TRMT61B: variants seen among roughly 807,000 people sequenced by gnomAD.
The protein encoded by TRMT61B is tRNA (adenine(58)-N(1))-methyltransferase, mitochondrial.
In TRMT61B, 56 loss-of-function variants were observed where a neutral mutation model predicts 52.0. That is an observed-to-expected ratio of 1.08 (90% CI 0.87 to 1.35). The LOEUF (loss-of-function observed/expected upper bound fraction) is 1.35. Ranked by LOEUF, TRMT61B falls within the 40% of genes most tolerant of loss-of-function variation. TRMT61B has a pLI of 0.00. For missense variants in TRMT61B, 650 were observed against 577.9 expected (o/e 1.12, Z -1.28); for synonymous variants, 206 against 220.0 (o/e 0.94, Z 0.56).
intron 3 of TRMT61B, among the ~76,000 whole-genome samples, chr2:28,854,010 A>G (rs928427587): frequency 5.3e-5 from 8 of 152,220 alleles, no homozygotes; most frequent in Admixed American, 5.2e-4. Flanking sequence ...AGTAACATTT[A>G]CTGTTGTATT....
intron 1 of TRMT61B, 40 bp downstream of exon 1, chr2:28,869,539 C>A (rs1669991022): frequency 3.5e-6 from 5 of 1,427,902 alleles, no homozygotes; most frequent in Non-Finnish European, 4.9e-6. Flanking sequence ...TGTCTTTGCC[C>A]CTCCTGAAAC....
intron 3 of TRMT61B, among the ~76,000 whole-genome samples, chr2:28,855,304 T>C (rs1015411710): frequency 3.3e-5 from 5 of 152,154 alleles, no homozygotes; most frequent in African/African-American, 7.2e-5. Flanking sequence ...AAAAAACTAT[T>C]TTTGTGTGTG....
In TRMT61B at chr2:28,860,272, C is replaced by CAAAAAAAAAAAAAAA. The variant is rs540569211; in HGVS notation, c.993+831_993+845dup. Among the ~76,000 whole-genome samples the CAAAAAAAAAAAAAAA allele has an allele frequency of 1.2e-4, 3 of 24,476 alleles. 1 individual carries two copies. The highest frequency in any genetic ancestry group is 2.2e-4 in the African/African-American group (2 of 9,238). 16.1% of individuals were successfully genotyped at this position (24,476 alleles called of 152,430 possible). On this transcript the variant is annotated intron_variant, in intron 3 of 6. Transcript: ENST00000306108. ...AAGCAACAGAATGAGACTCTGTTGC[C>CAAAAAAAAAAAAAAA]AAAAAAAAAAAAAAAAAAAAAAAAA...
intron 5 of TRMT61B, 33 bp from the exon 6 acceptor site, chr2:28,850,438 C>A (rs1172630359): frequency 2.2e-6 from 3 of 1,378,254 alleles, no homozygotes; most frequent in Non-Finnish European, 3.0e-6. Flanking sequence ...CTATAAGCTA[C>A]ATAAAATATT....
chr2:28,866,783 A>G (rs1669867914), intron 1 of TRMT61B, among the ~76,000 whole-genome samples: 1 of 152,160 alleles, frequency 6.6e-6, no homozygotes, highest in African/African-American at 2.4e-5. Context: ...ATTAATAAAA[A>G]CTGTTTTTTT....
intron 3 of TRMT61B, among the ~76,000 whole-genome samples, chr2:28,857,093 C>T (rs1428147220): frequency 6.6e-6 from 1 of 151,914 alleles, no homozygotes; most frequent in Admixed American, 6.6e-5. Context: ...ACCATCACAC[C>T]CAGCTAATTT....
chr2:28,854,653 T>G (rs371982244), intron 3 of TRMT61B, among the ~76,000 whole-genome samples: 5 of 140,420 alleles, frequency 3.6e-5, no homozygotes, highest in African/African-American at 1.1e-4. Flanking sequence ...GGCAGGAGAA[T>G]AGCTTGAACC....
chr2:28,858,247 A>C (rs535497619), intron 3 of TRMT61B, among the ~76,000 whole-genome samples: 29 of 151,966 alleles, frequency 1.9e-4, no homozygotes, highest in Non-Finnish European at 3.8e-4. Flanking sequence ...TCACCATGTT[A>C]GCCAGGATGG....
intron 2 of TRMT61B, 52 bp downstream of exon 2, chr2:28,864,965 C>G: frequency 9.2e-7 from 1 of 1,087,486 alleles, no homozygotes; most frequent in Non-Finnish European, 1.4e-6. Flanking sequence ...TTATTATGAA[C>G]AAATTGAATG....
intron 3 of TRMT61B, among the ~76,000 whole-genome samples, chr2:28,860,821 A>C (rs908930238): frequency 6.6e-6 from 1 of 152,188 alleles, no homozygotes; most frequent in Non-Finnish European, 1.5e-5. Flanking sequence ...CTGCTTCCAA[A>C]GTATGATTCA....
At chr2:28,855,865 G>A (rs1669320023) in intron 3 of TRMT61B, among the ~76,000 whole-genome samples, 1 of 152,156 alleles carries the variant, frequency 6.6e-6, no homozygotes, top group African/African-American at 2.4e-5. Flanking sequence ...CAGCTACAAA[G>A]GAGGCTGAGA....
At chr2:28,854,738 C>CAAAAA (rs57513823) in intron 3 of TRMT61B, among the ~76,000 whole-genome samples, 14 of 86,414 alleles carry the variant, frequency 1.6e-4, no homozygotes, top group Non-Finnish European at 2.2e-4. Flanking sequence ...GACTCCGTCT[C>CAAAAA]AAAAAAAAAA....
intron 3 of TRMT61B, among the ~76,000 whole-genome samples, chr2:28,860,741 A>G (rs1224415250): frequency 6.6e-6 from 1 of 152,158 alleles, no homozygotes; most frequent in Non-Finnish European, 1.5e-5. Flanking sequence ...ATTCCCTGTC[A>G]AATGGAAGCT....
intron 1 of TRMT61B, 118 bp downstream of exon 1, chr2:28,869,461 A>AGT: frequency 5.8e-6 from 4 of 684,356 alleles, no homozygotes; most frequent in South Asian, 2.2e-5. Context: ...TAAAAGCCTG[A>AGT]GTACAATAAA....
intron 2 of TRMT61B, among the ~76,000 whole-genome samples, chr2:28,863,098 C>T (rs962175464): frequency 6.6e-6 from 1 of 151,956 alleles, no homozygotes; most frequent in Admixed American, 6.6e-5. Context: ...AAATGTAACT[C>T]CAACTGCAAG....
chr2:28,870,025 G>A lies in TRMT61B; in HGVS notation c.253C>T (p.Leu85=). 6.2e-7 allele frequency: 1 copy of A among 1,613,788 alleles called. No homozygotes were observed. Among genetic ancestry groups the A allele is most frequent in the Non-Finnish European group, 8.5e-7 (1 of 1,180,024 alleles). ...SDIGTGCLSS[L]ENLRLPTLRE... ...AGCGTCGGCAGTCTGAGGTTTTCCA[G>A]TGACGAAAGACATCCAGTCCCAATG... is the stretch of plus-strand genomic sequence containing the variant. The change falls in exon 1 of 7, where the codon CTG becomes TTG. Residue 85 remains leucine (L), a synonymous_variant. Coordinates refer to ENST00000306108, the MANE Select transcript of TRMT61B (RefSeq NM_017910.4).
rs373564488 is a variant in TRMT61B, at chr2:28,861,103, C to T, written c.993+15G>A. Reference sequence around the variant, plus strand: ...AGTCAAAGTAATAACACAGGACCCACGTTAGAAAACTTACTGCGTCAAATG... The same window carrying T: ...AGTCAAAGTAATAACACAGGACCCATGTTAGAAAACTTACTGCGTCAAATG... On this transcript the variant is annotated intron_variant, in intron 3 of 6. Coordinates refer to ENST00000306108, the MANE Select transcript of TRMT61B (RefSeq NM_017910.4). 12 of 1,581,454 alleles carry T rather than the reference C, an allele frequency of 7.6e-6. No homozygotes were observed. Among genetic ancestry groups the T allele is most frequent in the African/African-American group, 2.7e-5 (2 of 73,606 alleles).
rs2148139244 is a variant in TRMT61B at position 28,861,567 on chromosome 2, C to T, written c.803-259G>A. Reference sequence around the variant, plus strand: ...CAAGTATCTCTCTGTGTTTTTAATACACACTGTGGTGTATTATACACACTG... The same window carrying T: ...CAAGTATCTCTCTGTGTTTTTAATATACACTGTGGTGTATTATACACACTG... On this transcript the variant is annotated intron_variant, in intron 2 of 6. Transcript: ENST00000306108. 4 of 412,206 alleles carry T rather than the reference C, an allele frequency of 9.7e-6. No homozygotes were observed. In the East Asian group the frequency reaches 1.4e-4, roughly 14 times the overall value. The allele number at this position is 412,206 out of a possible 1,614,324, so 25.5% of individuals were successfully genotyped here. A position where few individuals can be genotyped will look rare whatever the true frequency, so the allele number is the denominator to read the frequency against.
intron 1 of TRMT61B, among the ~76,000 whole-genome samples, chr2:28,869,196 G>A (rs1295824656): frequency 6.6e-6 from 1 of 152,048 alleles, no homozygotes; most frequent in East Asian, 1.9e-4. Context: ...TATCATCATA[G>A]TAGTACTAAA....
Sources: gnomAD v4.1 joint callset for allele counts (sites outside exome capture counted in the v4.1 genomes callset) on GRCh38, gnomAD v4.1.1 for gene constraint, MANE v1.5 for transcripts, NCBI Gene and HGNC (gene_info 2026-07-23, HGNC 2026-07-21) for gene names.